FAM193A: variants seen among roughly 807,000 people sequenced by gnomAD.
FAM193A encodes family with sequence similarity 193 member A.
FAM193A carries 22 observed loss-of-function variants against 126.5 expected under a neutral mutation model. The observed-to-expected ratio is 0.17, with a 90% CI of 0.12 to 0.25. FAM193A has a LOEUF of 0.25. Ranked by LOEUF, FAM193A falls within the 10% of genes least tolerant of loss-of-function variation. FAM193A has a pLI of 1.00. For synonymous variants in FAM193A, 761 were observed against 646.8 expected (o/e 1.18, Z -2.68); for missense variants, 1,675 against 1,672.8 (o/e 1.00, Z -0.02).
chr4:2,585,780 T>A (rs1343920886), intron 1 of FAM193A, among the ~76,000 whole-genome samples: 2 of 152,092 alleles, frequency 1.3e-5, no homozygotes, highest in African/African-American at 4.8e-5. Context: ...ATACAGAAAT[T>A]AGCTGGGTGT....
intron 1 of FAM193A, among the ~76,000 whole-genome samples, chr4:2,555,800 G>T (rs983770570): frequency 2.0e-5 from 3 of 151,678 alleles, no homozygotes; most frequent in African/African-American, 7.3e-5. Flanking sequence ...TGTATTTTTA[G>T]TAGAGACGGG....
At chr4:2,662,445 G>A (rs1021209589) in intron 10 of FAM193A, among the ~76,000 whole-genome samples, 1 of 152,274 alleles carries the variant, frequency 6.6e-6, no homozygotes, top group African/African-American at 2.4e-5. Flanking sequence ...AAACACCTAA[G>A]GTTGCCATCG....
At chr4:2,642,086 C>T (rs1395136553) in intron 6 of FAM193A, among the ~76,000 whole-genome samples, 3 of 143,318 alleles carry the variant, frequency 2.1e-5, no homozygotes, top group Admixed American at 7.2e-5. Flanking sequence ...GTCAGGAGAT[C>T]GAAACCATCC....
intron 2 of FAM193A, among the ~76,000 whole-genome samples, chr4:2,619,529 G>A (rs558446518): frequency 6.6e-6 from 1 of 151,892 alleles, no homozygotes; most frequent in South Asian, 2.1e-4. Flanking sequence ...AGTAGAGGTG[G>A]GGTAATTTTT....
At chr4:2,639,556 G>C (rs1744402281) in intron 5 of FAM193A, among the ~76,000 whole-genome samples, 179 bp from the exon 6 acceptor site, 1 of 150,384 alleles carries the variant, frequency 6.6e-6, no homozygotes, top group South Asian at 2.1e-4. Context: ...CTGATGCACT[G>C]TGTGCCTTGA....
At chr4:2,583,688 G>A (rs906777671) in intron 1 of FAM193A, among the ~76,000 whole-genome samples, 6 of 152,094 alleles carry the variant, frequency 3.9e-5, no homozygotes, top group Non-Finnish European at 7.4e-5. Flanking sequence ...TCAGCCTTTC[G>A]CAATTTGTCT....
chr4:2,618,588 C>T (rs1206100092), intron 2 of FAM193A, among the ~76,000 whole-genome samples: 16 of 127,708 alleles, frequency 1.3e-4, no homozygotes, highest in Non-Finnish European at 2.6e-4. Context: ...CCACCATGCC[C>T]GGCTTTTTTT....
rs890464806 is a variant in FAM193A, at chr4:2,662,919, G to A, written c.1827G>A (p.Glu609=). The A allele has an allele frequency of 1.9e-6, 3 of 1,613,698 alleles. No individual in the cohort carries two copies. The highest frequency in any genetic ancestry group is 3.3e-5 in the Admixed American group (2 of 59,990). ...IYPLSNYDDT[E]VVANMNGIHS... is the part of the protein sequence containing the mutation. ...CATTGAGTAATTATGATGATACCGAGGTGGTGGCCAACATGAATGGAATCC... is the reference window on the plus strand; with the variant it reads ...CATTGAGTAATTATGATGATACCGAAGTGGTGGCCAACATGAATGGAATCC... The change falls in exon 11 of 21, where the codon GAG becomes GAA. Residue 609 remains glutamate, a synonymous_variant. Coordinates refer to ENST00000637812, the MANE Select transcript of FAM193A (RefSeq NM_001366318.2).
At chr4:2,603,431 T>C (rs1369435904) in intron 2 of FAM193A, among the ~76,000 whole-genome samples, 1 of 149,778 alleles carries the variant, frequency 6.7e-6, no homozygotes, top group Non-Finnish European at 1.5e-5. Flanking sequence ...ATTACAGGTA[T>C]GCACTACCAC....
chr4:2,716,169 T>A (rs2109372676), intron 20 of FAM193A, 65 bp downstream of exon 20: 1 of 1,047,140 alleles, frequency 9.5e-7, no homozygotes, highest in Non-Finnish European at 1.5e-6. Flanking sequence ...TTTGGTTTTC[T>A]GTCTTTCCAT....
At chr4:2,582,867 C>T (rs545148380) in intron 1 of FAM193A, among the ~76,000 whole-genome samples, 1 of 152,174 alleles carries the variant, frequency 6.6e-6, no homozygotes, top group African/African-American at 2.4e-5. Context: ...TATTCTTCTC[C>T]CAGTTGTATT....
intron 20 of FAM193A, among the ~76,000 whole-genome samples, chr4:2,726,055 C>T (rs1326946590): frequency 6.6e-6 from 1 of 152,154 alleles, no homozygotes; most frequent in African/African-American, 2.4e-5. Context: ...CCCGCCACCA[C>T]GCCTGGCAAT....
intron 6 of FAM193A, 132 bp downstream of exon 6, chr4:2,639,991 A>G: frequency 3.4e-6 from 3 of 895,350 alleles, no homozygotes; most frequent in Admixed American, 3.1e-5. Context: ...TTAAAGAAAA[A>G]GATAGTTTGG....
chr4:2,663,014 G>A, intron 11 of FAM193A, 23 bp downstream of exon 11: 1 of 1,600,342 alleles, frequency 6.2e-7, no homozygotes, highest in Non-Finnish European at 8.6e-7. Context: ...CTTCTTCGTA[G>A]CAACAATAAA....
intron 1 of FAM193A, among the ~76,000 whole-genome samples, chr4:2,558,914 T>C (rs1738433232): frequency 6.6e-6 from 1 of 152,158 alleles, no homozygotes; most frequent in African/African-American, 2.4e-5. Flanking sequence ...GGCAGGAGAA[T>C]TGCTTGAACC....
At chr4:2,696,862 A>G (rs763872610) in intron 18 of FAM193A, among the ~76,000 whole-genome samples, 1 of 152,244 alleles carries the variant, frequency 6.6e-6, no homozygotes, top group Non-Finnish European at 1.5e-5. Flanking sequence ...GGGCAGCAGC[A>G]GACACTCCAG....
intron 5 of FAM193A, among the ~76,000 whole-genome samples, chr4:2,637,554 C>G (rs866018338): frequency 2.6e-5 from 4 of 152,118 alleles, no homozygotes; most frequent in African/African-American, 9.7e-5. Flanking sequence ...TCTTTCAAAC[C>G]CCCAAACCTT....
At chr4:2,691,217 GTTC>G (rs1012864601) in intron 15 of FAM193A, among the ~76,000 whole-genome samples, 2 of 152,272 alleles carry the variant, frequency 1.3e-5, no homozygotes, top group Admixed American at 1.3e-4. Context: ...CTCTGTTTCT[GTTC>G]TTCTGTGATT....
intron 1 of FAM193A, among the ~76,000 whole-genome samples, chr4:2,590,597 C>T (rs1295808663): frequency 1.3e-5 from 2 of 151,272 alleles, no homozygotes; most frequent in Non-Finnish European, 2.9e-5. Context: ...CTAGACATTT[C>T]AGTTCCCTTA....
Sources: allele counts gnomAD v4.1 joint callset (sites outside exome capture counted in the v4.1 genomes callset), GRCh38; gene constraint gnomAD v4.1.1; transcripts MANE v1.5; gene names NCBI Gene and HGNC (gene_info 2026-07-23, HGNC 2026-07-21).